Variants in ATL3 observed in about 807,000 individuals in gnomAD.
ATL3 encodes the protein atlastin-3.
Under a neutral mutation model 69.5 loss-of-function variants are expected in ATL3, and 49 were observed. The observed-to-expected ratio is 0.71, with a 90% confidence interval of 0.56 to 0.89. ATL3 has a LOEUF of 0.89. ATL3 is among the 40% of genes least tolerant of loss of function. The pLI, the probability that ATL3 is intolerant of heterozygous loss-of-function variation, is 0.00. For synonymous variants in ATL3, 214 were observed against 224.1 expected, an observed-to-expected ratio of 0.95 and a Z score of 0.40; for missense variants, 606 against 645.7, an observed-to-expected ratio of 0.94 and a Z score of 0.67.
chr11:63,653,539 A>G (rs959995121), intron 3 of ATL3, among the ~76,000 whole-genome samples: 6 of 152,262 alleles, frequency 3.9e-5, no homozygotes, highest in African/African-American at 9.6e-5. Context: ...AAACCAACAC[A>G]TGAGTATTTA....
chr11:63,629,510 T>C, intron 12 of ATL3, 105 bp from the exon 13 acceptor site: 1 of 957,734 alleles, frequency 1.0e-6, no homozygotes, highest in Non-Finnish European at 1.6e-6. Context: ...ATCGGCATGT[T>C]ACAGAAAGCA....
chr11:63,632,800 AC>A (rs2134465428), intron 11 of ATL3: 1 of 757,684 alleles, frequency 1.3e-6, no homozygotes, highest in East Asian at 2.5e-5. Context: ...CTATGTACTT[AC>A]CAATAAACTA....
At chr11:63,652,105 C>A (rs1940096573) in intron 4 of ATL3, 119 bp from the exon 5 acceptor site, 1 of 1,449,208 alleles carries the variant, frequency 6.9e-7, no homozygotes, top group South Asian at 1.4e-5. Flanking sequence ...GAACATGAGG[C>A]CTGTTCAAAC....
chr11:63,645,044 G>C (rs775806395), intron 6 of ATL3, among the ~76,000 whole-genome samples: 1 of 152,062 alleles, frequency 6.6e-6, no homozygotes, highest in Non-Finnish European at 1.5e-5. Flanking sequence ...TCACGCCACT[G>C]CACTCCAGCC....
intron 9 of ATL3, 100 bp from the exon 10 acceptor site, chr11:63,635,690 A>G: frequency 1.1e-6 from 1 of 922,538 alleles, no homozygotes; most frequent in Admixed American, 2.5e-5. Flanking sequence ...ATTTTCCTAA[A>G]GACTTAGGTC....
At chr11:63,668,124 T>C (rs1043970902) in intron 1 of ATL3, among the ~76,000 whole-genome samples, 1 of 152,228 alleles carries the variant, frequency 6.6e-6, no homozygotes, top group African/African-American at 2.4e-5. Flanking sequence ...GATTCATGTA[T>C]GACTCAGGGT....
chr11:63,662,699 G>T (rs1940457550), intron 1 of ATL3, among the ~76,000 whole-genome samples: 1 of 152,076 alleles, frequency 6.6e-6, no homozygotes, highest in Non-Finnish European at 1.5e-5. Context: ...GGCCCGTCTT[G>T]AACTCCTGAG....
chr11:63,635,194 A>T (rs184414972), intron 10 of ATL3, among the ~76,000 whole-genome samples: 11 of 151,988 alleles, frequency 7.2e-5, no homozygotes, highest in Non-Finnish European at 1.2e-4. Flanking sequence ...ATATAAAAAT[A>T]AAAAAAATAA....
At chr11:63,668,735 T>C (rs1283922969) in intron 1 of ATL3, among the ~76,000 whole-genome samples, 1 of 151,860 alleles carries the variant, frequency 6.6e-6, no homozygotes, top group Non-Finnish European at 1.5e-5. Context: ...GTAACACTTT[T>C]GTATCTCTTT....
Position 63,646,508 on chromosome 11 carries a change from T to C in ATL3, c.617A>G (p.Gln206Arg), listed in dbSNP as rs751926157. ...AMDEIFQKPFQTLMFLVRDWS... is the reference protein window; with the variant it reads ...AMDEIFQKPFRTLMFLVRDWS... ...TATATTTAAAATAAATATTCTAACCTGGAAAGGCTTTTGGAAAATTTCATC... is the reference window on the plus strand; with the variant it reads ...TATATTTAAAATAAATATTCTAACCCGGAAAGGCTTTTGGAAAATTTCATC... Residue 206 changes from glutamine to arginine, a missense_variant and splice_region_variant, in exon 6 of 13, where the codon CAG (glutamine) becomes CGG (arginine). By Grantham distance (43) the Gln-to-Arg change is conservative. Coordinates refer to ENST00000398868, the MANE Select transcript of ATL3 (RefSeq NM_015459.5). 3 of 1,572,722 alleles carry C rather than the reference T, an allele frequency of 1.9e-6. No homozygotes were observed. In the South Asian group the frequency reaches 3.4e-5, roughly 18 times the overall value.
At chr11:63,644,314 G>C (rs1939795498) in intron 6 of ATL3, 53 bp from the exon 7 acceptor site, 1 of 1,051,300 alleles carries the variant, frequency 9.5e-7, no homozygotes, top group African/African-American at 1.6e-5. Context: ...ACATTTTCAA[G>C]AGAACAACTG....
chr11:63,625,562 C>A lies in ATL3; in HGVS notation c.*3757G>T, dbSNP rs1939080167. ...TACATACATACTTATCCAAACTCAC[C>A]CTATCCAAGGCACCATTTTACAAGC... On this transcript the variant is annotated 3_prime_UTR_variant, in exon 13 of 13. Transcript: ENST00000398868. 6.6e-6 allele frequency: 1 copy of A among 152,052 alleles called. No individual in the cohort carries two copies. The highest frequency in any genetic ancestry group is 1.9e-4 in the East Asian group (1 of 5,190). The allele number at this position is 152,052 out of a possible 1,614,324, so 9.4% of individuals were successfully genotyped here. A position where few individuals can be genotyped will look rare whatever the true frequency, so the allele number is the denominator to read the frequency against.
intron 3 of ATL3, 56 bp from the exon 4 acceptor site, chr11:63,652,631 A>T: frequency 7.4e-7 from 1 of 1,346,488 alleles, no homozygotes; most frequent in Non-Finnish European, 1.1e-6. Context: ...AGGAAACCGT[A>T]AAGGAGAAAT....
intron 11 of ATL3, 185 bp downstream of exon 11, chr11:63,632,841 C>T (rs1939368668): frequency 2.6e-6 from 2 of 760,930 alleles, no homozygotes; most frequent in African/African-American, 1.8e-5. Context: ...CAAAACAAAA[C>T]AAGAACAAAC....
chr11:63,630,898 G>T, intron 12 of ATL3, 142 bp downstream of exon 12: 1 of 675,728 alleles, frequency 1.5e-6, no homozygotes, highest in Non-Finnish European at 2.4e-6. Context: ...AAAACATACA[G>T]TCTATCAGAA....
At chr11:63,643,525 C>T in intron 7 of ATL3, 30 bp from the exon 8 acceptor site, 1 of 1,589,300 alleles carries the variant, frequency 6.3e-7, no homozygotes, top group Non-Finnish European at 8.6e-7. Flanking sequence ...ATTTACCAAC[C>T]AAAAGTCATT....
chr11:63,642,022 G>A (rs553905795), intron 8 of ATL3, among the ~76,000 whole-genome samples: 1 of 152,134 alleles, frequency 6.6e-6, no homozygotes. Context: ...GTTCAGGTTG[G>A]GAAAAGTACA....
Position 63,659,229 on chromosome 11 carries a change from G to C in ATL3, c.70C>G (p.Pro24Ala). The stretch of plus-strand genomic sequence containing the variant: ...ACCAAAACAACCTGCACTGGACCAG[G>C]CTTGCTGCTCTCCATGGCATCATCT... ...GADDAMESSK[P>A]GPVQVVLVQK... The change falls in exon 2 of 13, where the codon CCT becomes GCT. Residue 24 changes from proline (P) to alanine (A), a missense_variant. Coordinates refer to ENST00000398868, the MANE Select transcript of ATL3 (RefSeq NM_015459.5). 1 of 1,614,044 alleles carries C rather than the reference G, an allele frequency of 6.2e-7. No individual in the cohort carries two copies. Among genetic ancestry groups the C allele is most frequent in the Non-Finnish European group, 8.5e-7 (1 of 1,179,986 alleles).
chr11:63,640,897 C>T (rs1483721322), intron 8 of ATL3, among the ~76,000 whole-genome samples: 1 of 152,076 alleles, frequency 6.6e-6, no homozygotes, highest in Non-Finnish European at 1.5e-5. Context: ...CCACTGCACC[C>T]AGCCAGTATA....
Sources: gnomAD v4.1 joint callset for allele counts (sites outside exome capture counted in the v4.1 genomes callset) on GRCh38, gnomAD v4.1.1 for gene constraint, MANE v1.5 for transcripts, NCBI Gene and HGNC (gene_info 2026-07-23, HGNC 2026-07-21) for gene names.